PTPN11: variants seen among roughly 807,000 people sequenced by gnomAD.
PTPN11 encodes protein tyrosine phosphatase non-receptor type 11.
In PTPN11, 6 loss-of-function variants were observed where a neutral mutation model predicts 78.8. The observed-to-expected ratio is 0.08, with a 90% CI of 0.04 to 0.15. The LOEUF (loss-of-function observed/expected upper bound fraction) is 0.15. Among genes scored for constraint, PTPN11 ranks in the 10% least tolerant of loss-of-function variants. The pLI is 1.00. For synonymous variants in PTPN11, 221 were observed against 263.5 expected, an observed-to-expected ratio of 0.84 and a Z score of 1.56; for missense variants, 386 against 744.8, an observed-to-expected ratio of 0.52 and a Z score of 5.61.
chr12:112,429,613 C>T (rs1301388523), intron 1 of PTPN11, among the ~76,000 whole-genome samples: 1 of 150,894 alleles, frequency 6.6e-6, no homozygotes, highest in Admixed American at 6.6e-5. Flanking sequence ...ACCAGCCTGG[C>T]CAACATGGTG....
At chr12:112,451,009 A>G (rs573172166) in intron 3 of PTPN11, among the ~76,000 whole-genome samples, 1 of 152,332 alleles carries the variant, frequency 6.6e-6, no homozygotes, top group East Asian at 1.9e-4. Context: ...TTATGTGAGA[A>G]TGACCTTGCT....
rs1372881314 is a variant in PTPN11, at chr12:112,504,856, C to T, written c.*32+60C>T. ...TTATATAATTGGCAGTATTTTTAAG[C>T]AGGCAAGCAATTTGGGAATGTTTTA... On this transcript the variant is annotated intron_variant, in intron 15 of 15. Coordinates refer to ENST00000351677, the MANE Select transcript of PTPN11 (RefSeq NM_002834.5). This position sits in a 1 kb window ranked among gnomAD's most constrained non-coding sequence, Gnocchi z 4.7. 1.8e-6 allele frequency: 2 copies of T among 1,119,626 alleles called. No homozygotes were observed. Among genetic ancestry groups the T allele is most frequent in the Non-Finnish European group, 2.7e-6 (2 of 752,222 alleles). 69.4% of individuals were successfully genotyped at this position (1,119,626 alleles called of 1,614,324 possible). A position where few individuals can be genotyped will look rare whatever the true frequency, so the allele number is the denominator to read the frequency against.
chr12:112,440,563 CTTTTTTTTTTTTTTT>C (rs772805515), intron 1 of PTPN11, among the ~76,000 whole-genome samples: 1 of 90,710 alleles, frequency 1.1e-5, no homozygotes, highest in Non-Finnish European at 2.2e-5. Flanking sequence ...TGTGCCTGGC[CTTTTTTTTTTTTTTT>C]TTTTTTTTTT....
At chr12:112,462,308 C>T (rs1396026789) in intron 6 of PTPN11, among the ~76,000 whole-genome samples, 7 of 151,558 alleles carry the variant, frequency 4.6e-5, no homozygotes, top group Non-Finnish European at 5.9e-5. Flanking sequence ...CAGTGAGATA[C>T]GATTGTGACA....
At position 112,489,144 on chromosome 12, in the gene PTPN11, A is replaced by G. The variant is rs1389060443; in HGVS notation, c.1568A>G (p.Glu523Gly). ...TATATGGCGGTCCAGCATTATATTGAAACACTACAGCGCAGGATTGAAGAA... is the reference window on the plus strand; with the variant it reads ...TATATGGCGGTCCAGCATTATATTGGAACACTACAGCGCAGGATTGAAGAA... The part of the protein sequence containing the change: ...FIYMAVQHYI[E>G]TLQRRIEEEQ... Residue 523 changes from glutamate to glycine, a missense_variant, in exon 13 of 16, where the codon GAA becomes GGA. Physicochemically the swap from Glu to Gly is moderately conservative, Grantham distance 98. Around this residue, in one of 3 missense-constraint regions of PTPN11, gnomAD observed 63 missense variants for 182.2 expected, o/e 0.35. Coordinates refer to ENST00000351677, the MANE Select transcript of PTPN11 (RefSeq NM_002834.5). 12 of 1,614,168 alleles carry G rather than the reference A, an allele frequency of 7.4e-6. No individual in the cohort carries two copies. Among genetic ancestry groups the G allele is most frequent in the Non-Finnish European group, 1.0e-5 (12 of 1,180,038 alleles).
At chr12:112,448,583 C>T (rs2038028568) in intron 2 of PTPN11, among the ~76,000 whole-genome samples, 1 of 152,080 alleles carries the variant, frequency 6.6e-6, no homozygotes, top group South Asian at 2.1e-4. Context: ...TATTTTTACA[C>T]ATCAAGTAGA....
chr12:112,478,086 A>G, intron 9 of PTPN11, 71 bp downstream of exon 9: 1 of 1,542,610 alleles, frequency 6.5e-7, no homozygotes, highest in Non-Finnish European at 8.9e-7. Flanking sequence ...GGCCATGTTT[A>G]GGAATTGAAT....
chr12:112,468,614 G>A (rs1268004771), intron 6 of PTPN11, among the ~76,000 whole-genome samples: 1 of 152,212 alleles, frequency 6.6e-6, no homozygotes, highest in Non-Finnish European at 1.5e-5. Flanking sequence ...TGTGACAACT[G>A]TCAGCTGCTG....
chr12:112,502,130 C>T lies in PTPN11; in HGVS notation c.1600-14C>T, dbSNP rs568632219. 5.0e-6 allele frequency: 8 copies of T among 1,595,046 alleles called. No homozygotes were observed. The highest frequency in any genetic ancestry group is 2.2e-5 in the South Asian group (2 of 90,726). On this transcript the variant is annotated splice_polypyrimidine_tract_variant and intron_variant, in intron 13 of 15. Transcript: ENST00000351677. ...AACCATTGTCCCTCACATGTGCACT[C>T]TTCCAAATTTCAGAAAAGCAAGAGG... is the stretch of plus-strand genomic sequence containing the variant.
intron 7 of PTPN11, among the ~76,000 whole-genome samples, 186 bp downstream of exon 7, chr12:112,473,226 G>C (rs1657831511): frequency 6.6e-6 from 1 of 152,222 alleles, no homozygotes; most frequent in South Asian, 2.1e-4. Context: ...CTGAGCTCCC[G>C]TGATGCTGAT....
At chr12:112,467,643 C>T (rs2038351356) in intron 6 of PTPN11, among the ~76,000 whole-genome samples, 1 of 152,130 alleles carries the variant, frequency 6.6e-6, no homozygotes, top group African/African-American at 2.4e-5. Context: ...TACAGGCGCG[C>T]ATCACAATGC....
Position 112,418,984 on chromosome 12 carries a change from C to T in PTPN11, c.-128C>T. 2.5e-6 allele frequency: 3 copies of T among 1,214,372 alleles called. No individual in the cohort carries two copies. The highest frequency in any genetic ancestry group is 1.6e-5 in the African/African-American group (1 of 64,044). 75.2% of individuals were successfully genotyped at this position (1,214,372 alleles called of 1,614,324 possible). ...CCCCAGGCCTGGAGGGGGGTCTGTG[C>T]GCGGCCGGCTGGCTCTGCCCCGCGT... is the stretch of plus-strand genomic sequence containing the variant. On this transcript the variant is annotated 5_prime_UTR_variant, in exon 1 of 16. Transcript: ENST00000351677.
At position 112,453,298 on chromosome 12, in the gene PTPN11, G is replaced by T. The variant is rs2038103924; in HGVS notation, c.436G>T (p.Asp146Tyr). 1 of 1,613,934 alleles carries T rather than the reference G, an allele frequency of 6.2e-7. No individual in the cohort carries two copies. The part of the protein sequence containing the change: ...LVRESQSHPG[D>Y]FVLSVRTGDD... ...ACGAGAGAGCCAGAGCCACCCTGGA[G>T]ATTTTGTTCTTTCTGTGCGCACTGG... is the stretch of plus-strand genomic sequence containing the variant. The change falls in exon 4 of 16, where the codon GAT (aspartate) becomes TAT (tyrosine). Residue 146 changes from aspartate to tyrosine, a missense_variant. Coordinates refer to ENST00000351677, the MANE Select transcript of PTPN11 (RefSeq NM_002834.5).
chr12:112,437,250 C>T (rs2037807762), intron 1 of PTPN11, among the ~76,000 whole-genome samples: 2 of 152,052 alleles, frequency 1.3e-5, no homozygotes, highest in South Asian at 2.1e-4. Flanking sequence ...TCCCGCCTCC[C>T]GGGTTCAAGC....
At chr12:112,470,317 T>A (rs2038395051) in intron 6 of PTPN11, among the ~76,000 whole-genome samples, 1 of 152,250 alleles carries the variant, frequency 6.6e-6, no homozygotes, top group Non-Finnish European at 1.5e-5. Flanking sequence ...AGCCAGTATC[T>A]GTATACTTGC....
intron 7 of PTPN11, among the ~76,000 whole-genome samples, chr12:112,474,650 T>G (rs1352656246): frequency 6.6e-6 from 1 of 151,932 alleles, no homozygotes; most frequent in African/African-American, 2.4e-5. Flanking sequence ...GGTCTTACTC[T>G]GTTGCCCAGG....
intron 3 of PTPN11, among the ~76,000 whole-genome samples, 154 bp from the exon 4 acceptor site, chr12:112,453,040 AT>A (rs1311972485): frequency 6.6e-6 from 1 of 151,976 alleles, no homozygotes; most frequent in African/African-American, 2.4e-5. Context: ...TGGGATGCAG[AT>A]TTTCTGTCTC....
At chr12:112,493,383 ATTT>A (rs60572157) in intron 13 of PTPN11, among the ~76,000 whole-genome samples, 3 of 130,582 alleles carry the variant, frequency 2.3e-5, no homozygotes, top group Non-Finnish European at 1.6e-5. Flanking sequence ...TTAAGTGTAC[ATTT>A]TTTTTTTTTT....
chr12:112,454,493 T>G, intron 4 of PTPN11, 71 bp from the exon 5 acceptor site: 121 of 1,093,336 alleles, frequency 1.1e-4, no homozygotes, highest in Non-Finnish European at 1.5e-4. Flanking sequence ...GCAGTGAACA[T>G]GAGAGTGCTT....
Sources: allele counts gnomAD v4.1 joint callset (sites outside exome capture counted in the v4.1 genomes callset), GRCh38; gene constraint gnomAD v4.1.1; regional missense constraint gnomAD v4.1.1; non-coding constraint Gnocchi (gnomAD v3.1); transcripts MANE v1.5; gene names NCBI Gene and HGNC (gene_info 2026-07-23, HGNC 2026-07-21).